RIMS1: variants seen among roughly 807,000 people sequenced by gnomAD.
RIMS1 encodes the protein regulating synaptic membrane exocytosis 1.
RIMS1 carries 83 observed loss-of-function variants against 214.1 expected under a neutral mutation model. The ratio of observed to expected loss-of-function variants is 0.39; its 90% CI spans 0.32 to 0.47. The LOEUF (loss-of-function observed/expected upper bound fraction) is 0.47. Ranked by LOEUF, RIMS1 falls within the 20% of genes least tolerant of loss-of-function variation. The pLI is 0.99. For missense variants in RIMS1, 2,050 were observed against 2,161.8 expected, an observed-to-expected ratio of 0.95 and a Z score of 1.03; for synonymous variants, 793 against 786.8, an observed-to-expected ratio of 1.01 and a Z score of -0.13.
In RIMS1 at chr6:72,222,641, A is replaced by G. The variant is rs9360542; in HGVS notation, c.1679-11132A>G. ...TCGATGTGCCAGATATTTGCCAACC[A>G]GCTTATTGTTATGATTATTGCTATT... On this transcript the variant is annotated intron_variant, in intron 6 of 33. Transcript: ENST00000521978. Among the ~76,000 whole-genome samples the G allele has an allele frequency of 0.033, 4,995 of 152,200 alleles. 452 individuals are homozygous for G. The East Asian group carries it at 0.35, about 11-fold the overall frequency.
chr6:72,200,344 A>G (rs1413363129), intron 6 of RIMS1, among the ~76,000 whole-genome samples: 1 of 152,160 alleles, frequency 6.6e-6, no homozygotes, highest in Non-Finnish European at 1.5e-5. Flanking sequence ...CCCTCTCAAA[A>G]GAGTCCACCT....
chr6:72,039,132 A>T (rs1055561159), intron 2 of RIMS1, among the ~76,000 whole-genome samples: 3 of 144,598 alleles, frequency 2.1e-5, no homozygotes, highest in African/African-American at 7.9e-5. Context: ...CTTCTCCAGA[A>T]ACTACCATTC....
chr6:71,957,698 C>A (rs1322917916), intron 1 of RIMS1, among the ~76,000 whole-genome samples: 1 of 150,350 alleles, frequency 6.7e-6, no homozygotes, highest in Non-Finnish European at 1.5e-5. Flanking sequence ...TATTTTACAA[C>A]CCTCAAGAAC....
intron 31 of RIMS1, among the ~76,000 whole-genome samples, chr6:72,393,330 G>C (rs2098730929): frequency 2.6e-5 from 4 of 152,170 alleles, no homozygotes; most frequent in Admixed American, 6.6e-5. Flanking sequence ...AAATAGATCA[G>C]CTTGAAGACA....
At chr6:71,975,674 A>G (rs1562007999) in intron 2 of RIMS1, among the ~76,000 whole-genome samples, 4 of 152,140 alleles carry the variant, frequency 2.6e-5, no homozygotes, top group Admixed American at 2.6e-4. Flanking sequence ...TATGTAATTC[A>G]GGAATGTTTT....
chr6:72,398,411 C>A (rs1405500235), intron 32 of RIMS1, 61 bp downstream of exon 32: 3 of 914,752 alleles, frequency 3.3e-6, no homozygotes, highest in East Asian at 5.3e-5. Flanking sequence ...CAAATAAAAA[C>A]ATTTGCTGCA....
At chr6:72,194,961 C>A (rs1562547714) in intron 6 of RIMS1, among the ~76,000 whole-genome samples, 1 of 152,022 alleles carries the variant, frequency 6.6e-6, no homozygotes, top group Non-Finnish European at 1.5e-5. Context: ...CTAAATCCTG[C>A]TTATAAAATA....
chr6:72,024,972 C>T (rs1815967414), intron 2 of RIMS1, among the ~76,000 whole-genome samples: 1 of 135,480 alleles, frequency 7.4e-6, no homozygotes, highest in African/African-American at 2.7e-5. Flanking sequence ...GGCACTATCT[C>T]GGCTCAGAGC....
intron 28 of RIMS1, among the ~76,000 whole-genome samples, chr6:72,323,673 C>T (rs1593460654): frequency 2.0e-5 from 3 of 151,534 alleles, no homozygotes; most frequent in Admixed American, 2.0e-4. Flanking sequence ...AATTACAGAC[C>T]GACAATTTTC....
chr6:72,392,600 A>T (rs1003074858), intron 30 of RIMS1, 98 bp from the exon 31 acceptor site: 5 of 844,870 alleles, frequency 5.9e-6, no homozygotes, highest in Non-Finnish European at 1.0e-5. Context: ...AGTAATATTT[A>T]TGTTTCATGA....
In RIMS1 at chr6:72,182,546, C is replaced by A. The variant is rs2048529879; in HGVS notation, c.1075C>A (p.Pro359Thr). The A allele has an allele frequency of 6.4e-7, 1 of 1,555,890 alleles. No individual in the cohort carries two copies. The highest frequency in any genetic ancestry group is 2.4e-5 in the East Asian group (1 of 41,234). Residue 359 changes from proline (P) to threonine (T), a missense_variant, in exon 6 of 34, where the codon CCG (proline) becomes ACG (threonine). Transcript: ENST00000521978. ...TTATCAGACCAGGTACCGCAGCGAC[C>A]CGAACCTAGCTCGGTACCCGGTGAA... is the stretch of plus-strand genomic sequence containing the variant. ...EDYQTRYRSD[P>T]NLARYPVKPP... is the part of the protein sequence containing the mutation.
At chr6:72,343,906 T>C (rs1446763594) in intron 29 of RIMS1, among the ~76,000 whole-genome samples, 1 of 151,722 alleles carries the variant, frequency 6.6e-6, no homozygotes, top group African/African-American at 2.4e-5. Context: ...AAATCATATA[T>C]AGAAACTATC....
chr6:71,997,670 G>T (rs1803877787), intron 2 of RIMS1, among the ~76,000 whole-genome samples: 1 of 152,072 alleles, frequency 6.6e-6, no homozygotes. Flanking sequence ...GGTAAAAAGA[G>T]AAAAAGGAAA....
At chr6:72,135,097 C>A (rs13212718) in intron 4 of RIMS1, among the ~76,000 whole-genome samples, 2 of 152,002 alleles carry the variant, frequency 1.3e-5, no homozygotes, top group Non-Finnish European at 2.9e-5. Context: ...ACCCAAAATT[C>A]CTTTAAATAA....
chr6:72,299,006 C>T (rs575426136), intron 26 of RIMS1, among the ~76,000 whole-genome samples: 2 of 152,060 alleles, frequency 1.3e-5, no homozygotes, highest in South Asian at 4.1e-4. Context: ...TTTTAGTCTT[C>T]ACAAACTGCT....
intron 28 of RIMS1, among the ~76,000 whole-genome samples, chr6:72,333,036 C>G (rs1381740601): frequency 3.3e-5 from 5 of 151,788 alleles, no homozygotes; most frequent in Admixed American, 3.3e-4. Flanking sequence ...AAAACTTAAT[C>G]CAAAAGCATT....
At chr6:72,244,057 AC>A (rs1475719201) in intron 10 of RIMS1, among the ~76,000 whole-genome samples, 1 of 151,584 alleles carries the variant, frequency 6.6e-6, no homozygotes, top group African/African-American at 2.4e-5. Flanking sequence ...GTCCTGTTTA[AC>A]AACTATAATT....
intron 1 of RIMS1, among the ~76,000 whole-genome samples, chr6:71,889,734 T>C (rs1417185596): frequency 6.6e-6 from 1 of 152,244 alleles, no homozygotes; most frequent in Non-Finnish European, 1.5e-5. Flanking sequence ...GAGGACATAA[T>C]GACACATAGT....
rs143275105 is a variant in RIMS1 at position 72,006,160 on chromosome 6, A to G, written c.245+37097A>G. ...TCTTATCACAGCACCAATTCCATTC[A>G]TAAGGGCTCTGCCCTCATGATCTAA... On this transcript the variant is annotated intron_variant, in intron 2 of 33. Transcript: ENST00000521978. Among the ~76,000 whole-genome samples the G allele has an allele frequency of 8.7e-3, 1,330 of 152,276 alleles. 8 individuals carry two copies. Among genetic ancestry groups the G allele is most frequent in the South Asian group, 0.016 (78 of 4,826 alleles).
Sources: allele counts gnomAD v4.1 joint callset (sites outside exome capture counted in the v4.1 genomes callset), GRCh38; gene constraint gnomAD v4.1.1; transcripts MANE v1.5; gene names NCBI Gene and HGNC (gene_info 2026-07-23, HGNC 2026-07-21).